The following XPR1 variants were observed in gnomAD, a reference collection of about 807,000 sequenced individuals.
XPR1 encodes the protein solute carrier family 53 member 1.
Under a neutral mutation model 87.5 loss-of-function variants are expected in XPR1, and 28 were observed. The observed-to-expected ratio is 0.32, with a 90% CI of 0.24 to 0.44. The LOEUF (loss-of-function observed/expected upper bound fraction) is 0.44, where lower values mean the gene tolerates loss of function less well. Among genes scored for constraint, XPR1 ranks in the 20% least tolerant of loss-of-function variants. XPR1 has a pLI of 1.00. For synonymous variants in XPR1, 300 were observed against 306.1 expected, an observed-to-expected ratio of 0.98 and a Z score of 0.21; for missense variants, 559 against 862.3, an observed-to-expected ratio of 0.65 and a Z score of 4.41.
At chr1:180,721,645 G>A (rs777992162) in intron 2 of XPR1, among the ~76,000 whole-genome samples, 11 of 152,070 alleles carry the variant, frequency 7.2e-5, no homozygotes, top group Non-Finnish European at 1.6e-4. Flanking sequence ...TGTGATCTGT[G>A]CAGGTCTACT....
intron 3 of XPR1, among the ~76,000 whole-genome samples, chr1:180,794,778 G>A (rs1051897672): frequency 4.6e-5 from 7 of 152,132 alleles, no homozygotes; most frequent in African/African-American, 1.7e-4. Context: ...GATGCACAGT[G>A]GTGTTAAAGT....
intron 1 of XPR1, among the ~76,000 whole-genome samples, chr1:180,670,166 G>A (rs573428545): frequency 1.3e-5 from 2 of 152,078 alleles, no homozygotes; most frequent in Non-Finnish European, 2.9e-5. Flanking sequence ...GTTGAATCAT[G>A]TATTTTTTAT....
intron 1 of XPR1, among the ~76,000 whole-genome samples, chr1:180,661,637 A>G (rs1655783423): frequency 6.6e-6 from 1 of 152,178 alleles, no homozygotes; most frequent in African/African-American, 2.4e-5. Context: ...TGGGAGGCCA[A>G]GGGGGGCAGA....
chr1:180,759,544 A>C (rs1024508582), intron 2 of XPR1, among the ~76,000 whole-genome samples: 1 of 152,090 alleles, frequency 6.6e-6, no homozygotes, highest in Non-Finnish European at 1.5e-5. Flanking sequence ...CGACACATAC[A>C]CCCTCCCAAG....
At chr1:180,643,614 C>T (rs1358005048) in intron 1 of XPR1, among the ~76,000 whole-genome samples, 2 of 152,068 alleles carry the variant, frequency 1.3e-5, no homozygotes, top group African/African-American at 2.4e-5. Flanking sequence ...GTGTTTAGCC[C>T]ATTTTATAAG....
intron 14 of XPR1, among the ~76,000 whole-genome samples, chr1:180,880,590 G>A (rs148700606): frequency 3.5e-4 from 53 of 152,330 alleles, no homozygotes; most frequent in Middle Eastern, 3.4e-3. Context: ...TGACTCTTCT[G>A]TGTGTTGTGT....
intron 7 of XPR1, among the ~76,000 whole-genome samples, chr1:180,811,810 A>T (rs1650225186): frequency 6.6e-6 from 1 of 152,178 alleles, no homozygotes; most frequent in African/African-American, 2.4e-5. Flanking sequence ...TTGATCATAG[A>T]TGAGGATAAA....
intron 2 of XPR1, among the ~76,000 whole-genome samples, chr1:180,723,095 C>A (rs1658226850): frequency 6.6e-6 from 1 of 152,124 alleles, no homozygotes; most frequent in African/African-American, 2.4e-5. Context: ...ACAGAGCATA[C>A]AACTTACAAA....
intron 2 of XPR1, among the ~76,000 whole-genome samples, chr1:180,695,403 C>T (rs768298674): frequency 1.2e-5 from 1 of 81,548 alleles, no homozygotes; most frequent in Non-Finnish European, 2.6e-5. Flanking sequence ...TTAATGTAGT[C>T]CCATTTGTGT....
At position 180,873,934 on chromosome 1, in the gene XPR1, G is replaced by A. The variant is rs1027974799; in HGVS notation, c.1800G>A (p.Glu600=). ...DIIATVFAPL[E]VFRRFVWNFF... is the part of the protein sequence containing the mutation. Reference sequence around the variant, plus strand: ...TTGCTACTGTCTTTGCCCCACTTGAGGTTTTCCGGTAAGCAAACTACTGAA... The same window carrying A: ...TTGCTACTGTCTTTGCCCCACTTGAAGTTTTCCGGTAAGCAAACTACTGAA... Residue 600 remains glutamate (E), a synonymous_variant, in exon 13 of 15, where the codon GAG becomes GAA. Coordinates refer to ENST00000367590, the MANE Select transcript of XPR1 (RefSeq NM_004736.4). The A allele has an allele frequency of 2.5e-6, 4 of 1,612,198 alleles. No homozygotes were observed. Among genetic ancestry groups the A allele is most frequent in the Non-Finnish European group, 3.4e-6 (4 of 1,179,416 alleles).
In XPR1 at chr1:180,886,576, G is replaced by A. The variant is rs760245270; in HGVS notation, c.*2510G>A. On this transcript the variant is annotated 3_prime_UTR_variant, in exon 15 of 15. Transcript: ENST00000367590. ...GTAATCCTTTTCTGAAGTGTTTGTC[G>A]GATTGGCATAGTCTATTCAAAAATA... 2.6e-5 allele frequency: 4 copies of A among 152,122 alleles called. No homozygotes were observed. The highest frequency in any genetic ancestry group is 6.5e-5 in the Admixed American group (1 of 15,276). The allele number at this position is 152,122 out of a possible 1,614,324, so 9.4% of individuals were successfully genotyped here.
At chr1:180,646,803 T>G (rs1474961687) in intron 1 of XPR1, among the ~76,000 whole-genome samples, 1 of 152,166 alleles carries the variant, frequency 6.6e-6, no homozygotes, top group African/African-American at 2.4e-5. Context: ...GGGTGGGCCA[T>G]GCATGGACTG....
intron 2 of XPR1, among the ~76,000 whole-genome samples, chr1:180,750,566 G>A (rs2102036863): frequency 6.6e-6 from 1 of 152,188 alleles, no homozygotes; most frequent in East Asian, 1.9e-4. Flanking sequence ...GACCATACAT[G>A]TGTAGGTCTG....
chr1:180,733,171 G>A (rs146762421), intron 2 of XPR1, among the ~76,000 whole-genome samples: 105 of 152,290 alleles, frequency 6.9e-4, no homozygotes, highest in Middle Eastern at 3.4e-3. Context: ...CACTGGATAG[G>A]GGCGTGGCAG....
chr1:180,863,199 C>T (rs1398233617), intron 11 of XPR1, among the ~76,000 whole-genome samples: 1 of 152,008 alleles, frequency 6.6e-6, no homozygotes, highest in African/African-American at 2.4e-5. Flanking sequence ...TGTTTTCGGG[C>T]ATTTTATCTA....
chr1:180,639,949 C>T (rs1314637208), intron 1 of XPR1, among the ~76,000 whole-genome samples: 2 of 152,158 alleles, frequency 1.3e-5, no homozygotes, highest in African/African-American at 2.4e-5. Flanking sequence ...CCTAATTCTA[C>T]TCTCCTTTCT....
intron 2 of XPR1, among the ~76,000 whole-genome samples, chr1:180,720,670 A>G (rs1488045223): frequency 6.6e-6 from 1 of 152,176 alleles, no homozygotes; most frequent in Admixed American, 6.5e-5. Context: ...ACCTCACCCC[A>G]GATCTACTAA....
intron 13 of XPR1, among the ~76,000 whole-genome samples, chr1:180,877,409 A>G (rs1280318267): frequency 6.6e-6 from 1 of 152,208 alleles, no homozygotes; most frequent in Admixed American, 6.5e-5. Flanking sequence ...TTTATGACAA[A>G]GGTGGCTACA....
At chr1:180,659,384 C>T (rs1236971688) in intron 1 of XPR1, among the ~76,000 whole-genome samples, 52 of 12,804 alleles carry the variant, frequency 4.1e-3, no homozygotes, top group African/African-American at 0.023. Flanking sequence ...TCCTTCCGTC[C>T]TTCCTTCCTT....
Sources: gnomAD v4.1 joint callset for allele counts (sites outside exome capture counted in the v4.1 genomes callset) on GRCh38, gnomAD v4.1.1 for gene constraint, MANE v1.5 for transcripts, NCBI Gene and HGNC (gene_info 2026-07-23, HGNC 2026-07-21) for gene names.